OR56B4: variants seen among roughly 807,000 people sequenced by gnomAD.
OR56B4 encodes the protein olfactory receptor family 56 subfamily B member 4.
For missense variants in OR56B4, 447 were observed against 384.6 expected (o/e 1.16, Z -1.36); for synonymous variants, 142 against 149.5 (o/e 0.95, Z 0.37).
Position 6,108,071 on chromosome 11 carries a change from T to C in OR56B4, c.293T>C (p.Ile98Thr). Residue 98 changes from isoleucine (I) to threonine (T), a missense_variant, in exon 1 of 1, where the codon ATT becomes ACT. By Grantham distance (89) the Ile-to-Thr change is moderately conservative (BLOSUM62 -1). Coordinates refer to ENST00000316529, the MANE Select transcript of OR56B4 (RefSeq NM_001005181.2). ...LAIFWFDAKA[I>T]SLPMCFAQIY... ...ATCTTCTGGTTTGATGCCAAGGCCA[T>C]TAGCCTCCCCATGTGTTTTGCTCAG... The C allele has an allele frequency of 6.2e-7, 1 of 1,614,176 alleles. No individual in the cohort carries two copies. Among genetic ancestry groups the C allele is most frequent in the Non-Finnish European group, 8.5e-7 (1 of 1,180,034 alleles).
chr11:6,107,873 G>T lies in OR56B4; in HGVS notation c.95G>T (p.Trp32Leu), dbSNP rs762632681. 1 of 1,614,002 alleles carries T rather than the reference G, an allele frequency of 6.2e-7. No individual in the cohort carries two copies. The highest frequency in any genetic ancestry group is 8.5e-7 in the Non-Finnish European group (1 of 1,180,018). Residue 32 changes from tryptophan to leucine, a missense_variant, in exon 1 of 1, where the codon TGG becomes TTG. Physicochemically the swap from Trp to Leu is moderately conservative, Grantham distance 61. Coordinates refer to ENST00000316529, the MANE Select transcript of OR56B4 (RefSeq NM_001005181.2). ...CCAGGCATTCATGAGTGGCAGCACT[G>T]GCTCTCCCTGCCCCTGACTCTGCTC... ...GLPGIHEWQH[W>L]LSLPLTLLYL...
Position 6,108,678 on chromosome 11 carries a change from G to T in OR56B4, c.900G>T (p.Met300Ile), listed in dbSNP as rs766440326. The change falls in exon 1 of 1, where the codon ATG (methionine) becomes ATT (isoleucine). Residue 300 changes from methionine (M) to isoleucine (I), a missense_variant. Met to Ile is a conservative substitution (Grantham distance 10). Coordinates refer to ENST00000316529, the MANE Select transcript of OR56B4 (RefSeq NM_001005181.2). ...ACCCCCTGGCCTGTGCACTCAGGAT[G>T]CACAAACTCAGACTGGGCTTTCAGA... is the stretch of plus-strand genomic sequence containing the variant. ...ALNPLACALRMHKLRLGFQRL... is the reference protein window; with the variant it reads ...ALNPLACALRIHKLRLGFQRL... 5 of 1,613,954 alleles carry T rather than the reference G, an allele frequency of 3.1e-6. No homozygotes were observed. The East Asian group carries it at 1.1e-4, about 36-fold the overall frequency.
chr11:6,108,428 T>C lies in OR56B4; in HGVS notation c.650T>C (p.Met217Thr), dbSNP rs1849028909. ...MLAWVLVGSDMALVFSSYAVI... is the reference protein window; with the variant it reads ...MLAWVLVGSDTALVFSSYAVI... ...GCATGGGTCTTGGTTGGGAGTGATA[T>C]GGCTCTGGTATTTTCTTCCTATGCT... is the stretch of plus-strand genomic sequence containing the variant. The change falls in exon 1 of 1, where the codon ATG becomes ACG. Residue 217 changes from methionine (M) to threonine (T), a missense_variant. Transcript: ENST00000316529. 3 of 1,614,144 alleles carry C rather than the reference T, an allele frequency of 1.9e-6. No homozygotes were observed. The highest frequency in any genetic ancestry group is 2.2e-5 in the East Asian group (1 of 44,870).
chr11:6,107,834 T>TC lies in OR56B4; in HGVS notation c.58dup (p.Leu20ProfsTer9). 15 of 1,614,008 alleles carry TC rather than the reference T, an allele frequency of 9.3e-6. No homozygotes were observed. The highest frequency in any genetic ancestry group is 1.3e-5 in the Non-Finnish European group (15 of 1,179,860). ...TCCAGCCTCCAGATTTCCCAGTTCA[T>TC]CCTGATGGGATTACCAGGCATTCAT... On this transcript the variant is annotated frameshift_variant, in exon 1 of 1. Transcript: ENST00000316529. LOFTEE classifies it low-confidence loss of function (END_TRUNC).
rs748771718 is a variant in OR56B4, at chr11:6,107,978, A to C, written c.200A>C (p.His67Pro). ...ACCGTGCTACATGAACCCATGTACC[A>C]TTTGCTGGGCATATTAGCAGTGGTG... ...HETVLHEPMY[H>P]LLGILAVVDI... Residue 67 changes from histidine (H) to proline (P), a missense_variant, in exon 1 of 1, where the codon CAT becomes CCT. His to Pro is a moderately conservative substitution (Grantham distance 77). Coordinates refer to ENST00000316529, the MANE Select transcript of OR56B4 (RefSeq NM_001005181.2). The C allele has an allele frequency of 3.1e-6, 5 of 1,613,924 alleles. No homozygotes were observed. The highest frequency in any genetic ancestry group is 2.5e-6 in the Non-Finnish European group (3 of 1,179,994).
Position 6,108,434 on chromosome 11 carries a change from T to C in OR56B4, c.656T>C (p.Leu219Pro), listed in dbSNP as rs765787016. ...GTCTTGGTTGGGAGTGATATGGCTC[T>C]GGTATTTTCTTCCTATGCTGTAATC... is the stretch of plus-strand genomic sequence containing the variant. ...AWVLVGSDMA[L>P]VFSSYAVILH... The change falls in exon 1 of 1, where the codon CTG becomes CCG. Residue 219 changes from leucine to proline, a missense_variant. Leu to Pro is a moderately conservative substitution (Grantham distance 98). Transcript: ENST00000316529. 1.9e-6 allele frequency: 3 copies of C among 1,614,138 alleles called. No individual in the cohort carries two copies. The highest frequency in any genetic ancestry group is 2.5e-6 in the Non-Finnish European group (3 of 1,180,004).
At position 6,107,775 on chromosome 11, in the gene OR56B4, T is replaced by C; in HGVS notation, c.-4T>C. ...ACAGACACTGAGACTGAGGCACCCA[T>C]TCCATGGATACCTCCACCAGTGTTA... is the stretch of plus-strand genomic sequence containing the variant. On this transcript the variant is annotated 5_prime_UTR_variant, in exon 1 of 1. Transcript: ENST00000316529. The C allele has an allele frequency of 6.2e-7, 1 of 1,604,210 alleles. No homozygotes were observed. The highest frequency in any genetic ancestry group is 8.5e-7 in the Non-Finnish European group (1 of 1,174,600).
In OR56B4 at chr11:6,107,832, C is replaced by A; in HGVS notation, c.54C>A (p.Phe18Leu). The A allele has an allele frequency of 9.3e-6, 15 of 1,613,870 alleles. No homozygotes were observed. Among genetic ancestry groups the A allele is most frequent in the Non-Finnish European group, 1.3e-5 (15 of 1,179,762 alleles). ...TYDSSLQISQ[F>L]ILMGLPGIHE... is the part of the protein sequence containing the mutation. ...ACTCCAGCCTCCAGATTTCCCAGTT[C>A]ATCCTGATGGGATTACCAGGCATTC... The change falls in exon 1 of 1, where the codon TTC (phenylalanine) becomes TTA (leucine). Residue 18 changes from phenylalanine to leucine, a missense_variant. Physicochemically the swap from Phe to Leu is conservative, Grantham distance 22 (BLOSUM62 0). Transcript: ENST00000316529.
chr11:6,108,691 C>A lies in OR56B4; in HGVS notation c.913C>A (p.Leu305Met). 2 of 1,614,132 alleles carry A rather than the reference C, an allele frequency of 1.2e-6. No homozygotes were observed. Among genetic ancestry groups the A allele is most frequent in the South Asian group, 1.1e-5 (1 of 91,084 alleles). Residue 305 changes from leucine (L) to methionine (M), a missense_variant, in exon 1 of 1, where the codon CTG becomes ATG. By Grantham distance (15) the Leu-to-Met change is conservative (BLOSUM62 2). Coordinates refer to ENST00000316529, the MANE Select transcript of OR56B4 (RefSeq NM_001005181.2). ...TGCACTCAGGATGCACAAACTCAGA[C>A]TGGGCTTTCAGAGACTGCTTGGACT... is the stretch of plus-strand genomic sequence containing the variant. ...ACALRMHKLR[L>M]GFQRLLGLGQ...
chr11:6,108,159 C>G lies in OR56B4; in HGVS notation c.381C>G (p.Asp127Glu), dbSNP rs1363951361. The change falls in exon 1 of 1, where the codon GAC (aspartate) becomes GAG (glutamate). Residue 127 changes from aspartate (D) to glutamate (E), a missense_variant. Coordinates refer to ENST00000316529, the MANE Select transcript of OR56B4 (RefSeq NM_001005181.2). The part of the protein sequence containing the change: ...ESGIFLCMAV[D>E]RYIAICRPLQ... ...GCATCTTTCTCTGCATGGCAGTAGACAGATACATAGCCATCTGTCGCCCTC... is the reference window on the plus strand; with the variant it reads ...GCATCTTTCTCTGCATGGCAGTAGAGAGATACATAGCCATCTGTCGCCCTC... 5 of 1,614,140 alleles carry G rather than the reference C, an allele frequency of 3.1e-6. No individual in the cohort carries two copies. The South Asian group carries it at 4.4e-5, about 14-fold the overall frequency.
rs531539044 is a variant in OR56B4 at position 6,108,796 on chromosome 11, T to G, written c.*58T>G. ...AAATGACAGAGGTTTTAGTTCTCAA[T>G]AGATCAGGGTTATAATCTGCACTTA... is the stretch of plus-strand genomic sequence containing the variant. On this transcript the variant is annotated 3_prime_UTR_variant, in exon 1 of 1. Coordinates refer to ENST00000316529, the MANE Select transcript of OR56B4 (RefSeq NM_001005181.2). 4 of 1,543,944 alleles carry G rather than the reference T, an allele frequency of 2.6e-6. No individual in the cohort carries two copies. The East Asian group carries it at 9.0e-5, about 35-fold the overall frequency.
Position 6,107,734 on chromosome 11 carries a change from A to G in OR56B4, c.-45A>G, listed in dbSNP as rs761383590. The G allele has an allele frequency of 3.8e-6, 6 of 1,559,070 alleles. No homozygotes were observed. The highest frequency in any genetic ancestry group is 5.2e-6 in the Non-Finnish European group (6 of 1,149,804). ...CCCTTAGCTGAACTTTTAAACAGAG[A>G]TTTCTTCTATTTCAGACAGACACTG... On this transcript the variant is annotated 5_prime_UTR_variant, in exon 1 of 1. Transcript: ENST00000316529.
In OR56B4 at chr11:6,107,757, C is replaced by A; in HGVS notation, c.-22C>A. On this transcript the variant is annotated 5_prime_UTR_variant, in exon 1 of 1. In the 5' UTR this introduces an upstream ATG that the reference lacks. Coordinates refer to ENST00000316529, the MANE Select transcript of OR56B4 (RefSeq NM_001005181.2). ...AGATTTCTTCTATTTCAGACAGACA[C>A]TGAGACTGAGGCACCCATTCCATGG... 1 of 1,592,418 alleles carries A rather than the reference C, an allele frequency of 6.3e-7. No individual in the cohort carries two copies. The highest frequency in any genetic ancestry group is 8.6e-7 in the Non-Finnish European group (1 of 1,168,774).
chr11:6,108,122 G>A lies in OR56B4; in HGVS notation c.344G>A (p.Cys115Tyr). 1.2e-6 allele frequency: 2 copies of A among 1,614,072 alleles called. No homozygotes were observed. The highest frequency in any genetic ancestry group is 1.7e-5 in the Admixed American group (1 of 60,022). The stretch of plus-strand genomic sequence containing the variant: ...ATCTATGCCATCCACTGCTTCTTCT[G>A]CATAGAGTCAGGCATCTTTCTCTGC... ...AQIYAIHCFF[C>Y]IESGIFLCMA... Residue 115 changes from cysteine (C) to tyrosine (Y), a missense_variant, in exon 1 of 1, where the codon TGC becomes TAC. Coordinates refer to ENST00000316529, the MANE Select transcript of OR56B4 (RefSeq NM_001005181.2).
chr11:6,108,104 C>T lies in OR56B4; in HGVS notation c.326C>T (p.Ala109Val), dbSNP rs61745227. The T allele has an allele frequency of 5.1e-4, 821 of 1,614,080 alleles. No individual in the cohort carries two copies. The highest frequency in any genetic ancestry group is 4.8e-4 in the Non-Finnish European group (564 of 1,179,998). ...CCCATGTGTTTTGCTCAGATCTATG[C>T]CATCCACTGCTTCTTCTGCATAGAG... is the stretch of plus-strand genomic sequence containing the variant. ...SLPMCFAQIY[A>V]IHCFFCIESG... Residue 109 changes from alanine (A) to valine (V), a missense_variant, in exon 1 of 1, where the codon GCC becomes GTC. Transcript: ENST00000316529.
chr11:6,108,086 G>T lies in OR56B4; in HGVS notation c.308G>T (p.Cys103Phe). The T allele has an allele frequency of 6.2e-7, 1 of 1,614,120 alleles. No individual in the cohort carries two copies. Among genetic ancestry groups the T allele is most frequent in the Non-Finnish European group, 8.5e-7 (1 of 1,180,028 alleles). The change falls in exon 1 of 1, where the codon TGT becomes TTT. Residue 103 changes from cysteine (C) to phenylalanine (F), a missense_variant. Coordinates refer to ENST00000316529, the MANE Select transcript of OR56B4 (RefSeq NM_001005181.2). ...GCCAAGGCCATTAGCCTCCCCATGT[G>T]TTTTGCTCAGATCTATGCCATCCAC... ...FDAKAISLPM[C>F]FAQIYAIHCF...
chr11:6,107,954 C>T lies in OR56B4; in HGVS notation c.176C>T (p.Thr59Ile). The T allele has an allele frequency of 1.2e-6, 2 of 1,614,016 alleles. No homozygotes were observed. The highest frequency in any genetic ancestry group is 1.1e-5 in the South Asian group (1 of 91,086). ...ATCATAATCACCATTCAACATGAGA[C>T]CGTGCTACATGAACCCATGTACCAT... is the stretch of plus-strand genomic sequence containing the variant. Reference protein sequence around the residue: ...LLIIITIQHETVLHEPMYHLL... With the variant: ...LLIIITIQHEIVLHEPMYHLL... Residue 59 changes from threonine to isoleucine, a missense_variant, in exon 1 of 1, where the codon ACC becomes ATC. Thr to Ile is a moderately conservative substitution (Grantham distance 89). Transcript: ENST00000316529.
In OR56B4 at chr11:6,108,298, T is replaced by A. The variant is rs967326095; in HGVS notation, c.520T>A (p.Tyr174Asn). 1.2e-6 allele frequency: 2 copies of A among 1,614,186 alleles called. No individual in the cohort carries two copies. ...GCCTATACTGGCTGCCCAGAGACAC[T>A]ACTGTTCCAGGAATGAAATCGAGCA... The part of the protein sequence containing the change: ...PVPILAAQRH[Y>N]CSRNEIEHCL... The change falls in exon 1 of 1, where the codon TAC becomes AAC. Residue 174 changes from tyrosine (Y) to asparagine (N), a missense_variant. Physicochemically the swap from Tyr to Asn is moderately radical, Grantham distance 143. Transcript: ENST00000316529.
Position 6,107,738 on chromosome 11 carries a change from C to T in OR56B4, c.-41C>T, listed in dbSNP as rs764952243. ...TAGCTGAACTTTTAAACAGAGATTTCTTCTATTTCAGACAGACACTGAGAC... is the reference window on the plus strand; with the variant it reads ...TAGCTGAACTTTTAAACAGAGATTTTTTCTATTTCAGACAGACACTGAGAC... On this transcript the variant is annotated 5_prime_UTR_variant, in exon 1 of 1. Transcript: ENST00000316529. 2 of 1,564,816 alleles carry T rather than the reference C, an allele frequency of 1.3e-6. No individual in the cohort carries two copies. The highest frequency in any genetic ancestry group is 1.7e-6 in the Non-Finnish European group (2 of 1,153,492).
Sources: allele counts gnomAD v4.1 joint callset, GRCh38; gene constraint gnomAD v4.1.1; transcripts MANE v1.5; gene names NCBI Gene and HGNC (gene_info 2026-07-23, HGNC 2026-07-21).